The following RBFOX1 variants were observed in gnomAD, a reference collection of about 807,000 sequenced individuals.
RBFOX1 encodes the protein RNA binding protein fox-1 homolog 1.
RBFOX1 carries 8 observed loss-of-function variants against 57.7 expected under a neutral mutation model. The observed-to-expected ratio is 0.14, with a 90% CI of 0.08 to 0.25. RBFOX1 has a LOEUF of 0.25. Ranked by LOEUF, RBFOX1 falls within the 10% of genes least tolerant of loss-of-function variation. The pLI is 1.00. For synonymous variants in RBFOX1, 326 were observed against 222.4 expected (o/e 1.47, Z -4.15); for missense variants, 611 against 548.5 (o/e 1.11, Z -1.14).
intron 3 of RBFOX1, among the ~76,000 whole-genome samples, chr16:6,794,908 C>T (rs1233365526): frequency 1.3e-5 from 2 of 152,142 alleles, no homozygotes; most frequent in East Asian, 3.9e-4. Context: ...TCAACCCATT[C>T]ATTTCACAGA....
intron 3 of RBFOX1, among the ~76,000 whole-genome samples, chr16:6,746,917 T>C (rs1203854694): frequency 6.6e-6 from 1 of 152,120 alleles, no homozygotes; most frequent in East Asian, 1.9e-4. Context: ...TCTCAGTATT[T>C]TGGGAGACTT....
intron 3 of RBFOX1, among the ~76,000 whole-genome samples, chr16:6,921,504 C>T (rs1280638268): frequency 6.6e-6 from 1 of 152,152 alleles, no homozygotes; most frequent in South Asian, 2.1e-4. Context: ...CTGCATTCAG[C>T]TTTCTGAGGT....
At chr16:6,603,852 C>T (rs752847568) in intron 2 of RBFOX1, among the ~76,000 whole-genome samples, 3 of 152,090 alleles carry the variant, frequency 2.0e-5, no homozygotes, top group Non-Finnish European at 4.4e-5. Flanking sequence ...TCCATGTGAC[C>T]CCATTTGCCT....
rs972616827 is a variant in RBFOX1 at position 7,054,630 on chromosome 16, C to T, written c.27+2532C>T. On this transcript the variant is annotated intron_variant, in intron 4 of 15. Coordinates refer to ENST00000550418, the MANE Select transcript of RBFOX1 (RefSeq NM_018723.4). The stretch of plus-strand genomic sequence containing the variant: ...CCATCTCAATGAAATGCATTTTCCT[C>T]AATCTCATTTTGCTTTCTTAGAAAG... 7.3e-5 allele frequency among the ~76,000 whole-genome samples: 11 copies of T among 151,438 alleles called. No homozygotes were observed. In the East Asian group the frequency reaches 7.8e-4, roughly 11 times the overall value.
At chr16:7,227,512 C>A (rs2093216078) in intron 4 of RBFOX1, among the ~76,000 whole-genome samples, 1 of 152,160 alleles carries the variant, frequency 6.6e-6, no homozygotes, top group South Asian at 2.1e-4. Context: ...TGAAGTGGTA[C>A]TTCTGCAGCT....
intron 2 of RBFOX1, among the ~76,000 whole-genome samples, chr16:6,420,014 A>C (rs1156462021): frequency 2.0e-5 from 3 of 152,134 alleles, no homozygotes; most frequent in African/African-American, 7.2e-5. Context: ...AAAAATCTTA[A>C]TGGATCCCAC....
At chr16:6,430,588 G>T (rs2094051398) in intron 2 of RBFOX1, among the ~76,000 whole-genome samples, 2 of 152,152 alleles carry the variant, frequency 1.3e-5, no homozygotes, top group South Asian at 4.1e-4. Context: ...GCTGTGCTTG[G>T]GAGCTGCAAG....
At chr16:6,080,117 A>G (rs1358957600) in intron 1 of RBFOX1, among the ~76,000 whole-genome samples, 2 of 152,220 alleles carry the variant, frequency 1.3e-5, no homozygotes, top group African/African-American at 2.4e-5. Context: ...CCATGCAGGC[A>G]TATTTCCACC....
chr16:7,663,534 G>GTGTGTTA (rs1419337254), intron 12 of RBFOX1, among the ~76,000 whole-genome samples: 1 of 136,382 alleles, frequency 7.3e-6, no homozygotes, highest in African/African-American at 2.8e-5. Flanking sequence ...TGTGTGTGTT[G>GTGTGTTA]TAAAATGCCT....
At chr16:6,860,447 C>A (rs148684313) in intron 3 of RBFOX1, among the ~76,000 whole-genome samples, 2 of 152,148 alleles carry the variant, frequency 1.3e-5, no homozygotes, top group African/African-American at 4.8e-5. Context: ...GGGCAGCGGG[C>A]GCTCTACCGT....
intron 3 of RBFOX1, among the ~76,000 whole-genome samples, chr16:5,783,174 A>G (rs36083606): frequency 0.29 from 43,469 of 151,974 alleles, 6,571 homozygotes; most frequent in East Asian, 0.55. Flanking sequence ...AAAACACACA[A>G]TATTTACATA....
At chr16:5,892,476 G>C (rs1353866176) in intron 4 of RBFOX1, among the ~76,000 whole-genome samples, 1 of 152,168 alleles carries the variant, frequency 6.6e-6, no homozygotes. Context: ...GTGAGTTACT[G>C]CTTATAAAGT....
At chr16:7,550,089 C>A (rs750063774) in intron 5 of RBFOX1, among the ~76,000 whole-genome samples, 2 of 151,100 alleles carry the variant, frequency 1.3e-5, no homozygotes, top group Admixed American at 6.6e-5. Flanking sequence ...AACACCATGC[C>A]TGGCTAATTT....
intron 4 of RBFOX1, among the ~76,000 whole-genome samples, chr16:7,073,483 C>T (rs1193316135): frequency 6.6e-6 from 1 of 152,026 alleles, no homozygotes; most frequent in Non-Finnish European, 1.5e-5. Context: ...AATTCAGACC[C>T]CCTACAATTC....
chr16:7,101,677 A>G (rs182105577), intron 4 of RBFOX1, among the ~76,000 whole-genome samples: 344 of 152,296 alleles, frequency 2.3e-3, no homozygotes, highest in Non-Finnish European at 2.9e-3. Flanking sequence ...AAGGCATGTT[A>G]GGGTAGGCAT....
chr16:6,423,314 C>G (rs546843072), intron 2 of RBFOX1, among the ~76,000 whole-genome samples: 8 of 152,268 alleles, frequency 5.3e-5, no homozygotes, highest in African/African-American at 1.7e-4. Context: ...GGCACGTCTT[C>G]CTGACCAGGC....
At chr16:6,146,986 C>A (rs545310539) in intron 1 of RBFOX1, among the ~76,000 whole-genome samples, 4 of 152,256 alleles carry the variant, frequency 2.6e-5, no homozygotes, top group African/African-American at 9.6e-5. Flanking sequence ...ACTGGTCGTG[C>A]ATTAAAGCTT....
chr16:7,380,728 C>T (rs922080481), intron 4 of RBFOX1, among the ~76,000 whole-genome samples: 1 of 152,166 alleles, frequency 6.6e-6, no homozygotes. Context: ...CCTGAATATT[C>T]CATGGCTATA....
At chr16:6,514,627 T>G (rs999203457) in intron 2 of RBFOX1, among the ~76,000 whole-genome samples, 2 of 152,138 alleles carry the variant, frequency 1.3e-5, no homozygotes, top group African/African-American at 4.8e-5. Context: ...ACCCCTCACA[T>G]GCCCTTTGTC....
Sources: allele counts gnomAD v4.1 joint callset (sites outside exome capture counted in the v4.1 genomes callset), GRCh38; gene constraint gnomAD v4.1.1; transcripts MANE v1.5; gene names NCBI Gene and HGNC (gene_info 2026-07-23, HGNC 2026-07-21).